The following CDH13 variants were observed in gnomAD, a reference collection of about 807,000 sequenced individuals.
CDH13 encodes cadherin-13.
CDH13 carries 24 observed loss-of-function variants against 63.8 expected under a neutral mutation model. The observed-to-expected ratio is 0.38, with a 90% confidence interval of 0.27 to 0.53. The LOEUF (loss-of-function observed/expected upper bound fraction) is 0.53, where lower values mean the gene tolerates loss of function less well. Ranked by LOEUF, CDH13 falls within the 20% of genes least tolerant of loss-of-function variation. CDH13 has a pLI of 0.85. For missense variants in CDH13, 1,049 were observed against 903.1 expected (o/e 1.16, Z -2.07); for synonymous variants, 503 against 355.3 (o/e 1.42, Z -4.67).
intron 3 of CDH13, among the ~76,000 whole-genome samples, chr16:83,068,296 C>T (rs2151536864): frequency 6.6e-6 from 1 of 152,306 alleles, no homozygotes; most frequent in South Asian, 2.1e-4. Flanking sequence ...ATATAACTTT[C>T]ATCCCCACTT....
intron 5 of CDH13, among the ~76,000 whole-genome samples, chr16:83,234,082 G>A (rs1365150605): frequency 1.3e-5 from 2 of 152,198 alleles, no homozygotes; most frequent in African/African-American, 4.8e-5. Flanking sequence ...TAGGGTGACG[G>A]CCGGAAGGAG....
At chr16:83,475,948 G>C (rs2073592610) in intron 6 of CDH13, among the ~76,000 whole-genome samples, 1 of 152,178 alleles carries the variant, frequency 6.6e-6, no homozygotes, top group South Asian at 2.1e-4. Flanking sequence ...ATAAATGATA[G>C]CGACAATAAG....
rs1267057506 is a variant in CDH13, at chr16:83,035,400, A to ACCATGTGC, written c.366+3184_366+3191dup. 1.1e-4 allele frequency among the ~76,000 whole-genome samples: 17 copies of ACCATGTGC among 152,256 alleles called. No homozygotes were observed. The South Asian group carries it at 2.9e-3, about 26-fold the overall frequency. On this transcript the variant is annotated intron_variant, in intron 3 of 13. Coordinates refer to ENST00000567109, the MANE Select transcript of CDH13 (RefSeq NM_001257.5). ...AGCTGGGCTGGTCCTCAAAGCACCA[A>ACCATGTGC]CCATGTGCCAGGTGTTGCTCCATGG...
At chr16:83,249,948 G>C (rs934794011) in intron 5 of CDH13, among the ~76,000 whole-genome samples, 1 of 152,090 alleles carries the variant, frequency 6.6e-6, no homozygotes, top group Non-Finnish European at 1.5e-5. Context: ...ACAAATGTTT[G>C]ACTAACAATC....
intron 4 of CDH13, among the ~76,000 whole-genome samples, chr16:83,176,405 G>C (rs998987514): frequency 1.3e-5 from 2 of 151,140 alleles, no homozygotes; most frequent in Non-Finnish European, 2.9e-5. Context: ...AGCTACTCAG[G>C]AGGCTGAGGC....
intron 2 of CDH13, among the ~76,000 whole-genome samples, chr16:82,909,486 A>G (rs2041759771): frequency 6.6e-6 from 1 of 150,604 alleles, no homozygotes; most frequent in South Asian, 2.1e-4. Flanking sequence ...CATGCTGCTG[A>G]TAAAGCCATA....
At chr16:83,041,164 A>C (rs978820871) in intron 3 of CDH13, among the ~76,000 whole-genome samples, 4 of 152,188 alleles carry the variant, frequency 2.6e-5, no homozygotes, top group African/African-American at 9.6e-5. Flanking sequence ...ATAAAGGGAA[A>C]CTGGTCTCTT....
intron 2 of CDH13, among the ~76,000 whole-genome samples, chr16:83,014,492 G>C (rs1338212503): frequency 6.6e-6 from 1 of 151,434 alleles, no homozygotes. Context: ...TCAGCACTTT[G>C]GGAGGCCAAG....
At chr16:82,748,454 C>A (rs541279094) in intron 1 of CDH13, among the ~76,000 whole-genome samples, 1 of 152,282 alleles carries the variant, frequency 6.6e-6, no homozygotes, top group South Asian at 2.1e-4. Context: ...TTGGTAGTGT[C>A]ATCAGCAGAA....
At chr16:83,512,920 C>G (rs1480299733) in intron 7 of CDH13, among the ~76,000 whole-genome samples, 1 of 151,836 alleles carries the variant, frequency 6.6e-6, no homozygotes. Context: ...CCAAGCCACA[C>G]TAAAATTTGA....
At chr16:83,521,754 A>G (rs1179179786) in intron 7 of CDH13, among the ~76,000 whole-genome samples, 1 of 152,172 alleles carries the variant, frequency 6.6e-6, no homozygotes, top group Non-Finnish European at 1.5e-5. Flanking sequence ...GGTGCATGGA[A>G]CCAGCCCTGG....
chr16:83,342,843 GTTTTTTT>G (rs778316746), intron 5 of CDH13, among the ~76,000 whole-genome samples: 3 of 65,314 alleles, frequency 4.6e-5, no homozygotes, highest in African/African-American at 1.9e-4. Flanking sequence ...TTTTGTTTCT[GTTTTTTT>G]TTTTTTTTTT....
chr16:82,884,269 A>G (rs1277940495), intron 2 of CDH13: 1 of 452,372 alleles, frequency 2.2e-6, no homozygotes, highest in Non-Finnish European at 4.4e-6. Flanking sequence ...CTGCAGGTAT[A>G]AGATGGGTTT....
At chr16:83,313,658 A>AC (rs1263100911) in intron 5 of CDH13, among the ~76,000 whole-genome samples, 2 of 150,734 alleles carry the variant, frequency 1.3e-5, no homozygotes, top group African/African-American at 4.9e-5. Context: ...AAAAAAAAAA[A>AC]AAAAAAAAGG....
At chr16:82,961,990 C>G (rs1416952255) in intron 2 of CDH13, among the ~76,000 whole-genome samples, 2 of 152,154 alleles carry the variant, frequency 1.3e-5, no homozygotes, top group African/African-American at 2.4e-5. Flanking sequence ...ATGGGAAACA[C>G]CAGTTACCTG....
intron 7 of CDH13, among the ~76,000 whole-genome samples, chr16:83,507,142 T>C (rs142306813): frequency 8.5e-4 from 130 of 152,344 alleles, no homozygotes; most frequent in African/African-American, 3.1e-3. Flanking sequence ...CTGTGGACTT[T>C]TTCTGGTCTT....
At chr16:83,558,463 A>C (rs1598286431) in intron 7 of CDH13, among the ~76,000 whole-genome samples, 1 of 152,216 alleles carries the variant, frequency 6.6e-6, no homozygotes, top group Non-Finnish European at 1.5e-5. Flanking sequence ...GGGTAGTATC[A>C]CTGGTGCCTT....
At chr16:83,565,651 T>C (rs1904275495) in intron 7 of CDH13, among the ~76,000 whole-genome samples, 1 of 152,156 alleles carries the variant, frequency 6.6e-6, no homozygotes, top group Non-Finnish European at 1.5e-5. Context: ...TTTTTCCTGC[T>C]GCATGGGGAC....
At chr16:82,770,303 A>C (rs1386426397) in intron 1 of CDH13, among the ~76,000 whole-genome samples, 1 of 152,254 alleles carries the variant, frequency 6.6e-6, no homozygotes, top group Non-Finnish European at 1.5e-5. Context: ...ACCAATCAGA[A>C]ATTCTGTTTA....
Sources: allele counts gnomAD v4.1 joint callset (sites outside exome capture counted in the v4.1 genomes callset), GRCh38; gene constraint gnomAD v4.1.1; transcripts MANE v1.5; gene names NCBI Gene and HGNC (gene_info 2026-07-23, HGNC 2026-07-21).